Variants in HAL observed in about 807,000 individuals in gnomAD.
HAL encodes histidine ammonia-lyase.
In HAL, 85 loss-of-function variants were observed where a neutral mutation model predicts 81.1. That is an observed-to-expected ratio of 1.05 (90% CI 0.88 to 1.25). The LOEUF is 1.25. Ranked by LOEUF, HAL falls within the 50% of genes most tolerant of loss-of-function variation. HAL has a pLI of 0.00. For synonymous variants in HAL, 301 were observed against 309.2 expected (o/e 0.97, Z 0.28); for missense variants, 798 against 836.6 (o/e 0.95, Z 0.57).
intron 15 of HAL, among the ~76,000 whole-genome samples, chr12:95,983,272 C>T (rs2080814910): frequency 6.6e-6 from 1 of 152,096 alleles, no homozygotes; most frequent in African/African-American, 2.4e-5. Context: ...CCTGTAATTC[C>T]AGCTACTCAG....
rs78019803 is a variant in HAL at position 95,986,964 on chromosome 12, C to A, written c.1051+103G>T. 369 of 998,494 alleles carry A rather than the reference C, an allele frequency of 3.7e-4. 2 individuals carry two copies. The highest frequency in any genetic ancestry group is 2.6e-3 in the African/African-American group (168 of 63,622). 61.9% of individuals were successfully genotyped at this position (998,494 alleles called of 1,614,324 possible). ...CACAGGCACTTGGGTTTTCTCCTTC[C>A]CTACTACCTGCCCCCACCACTTCTG... On this transcript the variant is annotated intron_variant, in intron 12 of 20. Coordinates refer to ENST00000261208, the MANE Select transcript of HAL (RefSeq NM_002108.4).
intron 7 of HAL, 78 bp downstream of exon 7, chr12:95,993,694 T>C (rs1460748975): frequency 1.1e-6 from 1 of 939,702 alleles, no homozygotes; most frequent in East Asian, 2.4e-5. Flanking sequence ...GGGGCAAATG[T>C]GAATTATTTC....
chr12:95,993,456 G>C lies in HAL; in HGVS notation c.584C>G (p.Ser195Cys). ...CACCCAACGTTTTGACTTACCTGAA[G>C]AATGTGAGCGTACTAAGTTGACCTG... ...ELQVNLVRSHSSGVGKPLSPE... is the reference protein window; with the variant it reads ...ELQVNLVRSHCSGVGKPLSPE... Residue 195 changes from serine to cysteine, a missense_variant, in exon 8 of 21, where the codon TCT (serine) becomes TGT (cysteine). Ser to Cys is a moderately radical substitution (Grantham distance 112). Coordinates refer to ENST00000261208, the MANE Select transcript of HAL (RefSeq NM_002108.4). 8.7e-6 allele frequency: 14 copies of C among 1,601,524 alleles called. No homozygotes were observed. Among genetic ancestry groups the C allele is most frequent in the Non-Finnish European group, 1.2e-5 (14 of 1,168,450 alleles).
intron 10 of HAL, among the ~76,000 whole-genome samples, chr12:95,988,637 C>T (rs1949927392): frequency 6.6e-6 from 1 of 152,144 alleles, no homozygotes; most frequent in African/African-American, 2.4e-5. Context: ...GTTCACGCTC[C>T]CTTGCCTCCA....
At chr12:95,990,583 TC>T in intron 9 of HAL, 51 bp from the exon 10 acceptor site, 1 of 1,542,396 alleles carries the variant, frequency 6.5e-7, no homozygotes, top group Non-Finnish European at 9.0e-7. Flanking sequence ...ATTCTGACTC[TC>T]CTTGCTTTGC....
At chr12:95,989,033 G>T (rs1949934068) in intron 10 of HAL, among the ~76,000 whole-genome samples, 1 of 152,196 alleles carries the variant, frequency 6.6e-6, no homozygotes, top group African/African-American at 2.4e-5. Flanking sequence ...GGCAATCTGA[G>T]TAATAGTACA....
Position 95,977,989 on chromosome 12 carries a change from A to G in HAL, c.1609T>C (p.Trp537Arg), listed in dbSNP as rs150591434. The change falls in exon 18 of 21, where the codon TGG becomes CGG. Residue 537 changes from tryptophan (W) to arginine (R), a missense_variant. Transcript: ENST00000261208. ...ATEDHVSMGG[W>R]AARKALRVIE... is the part of the protein sequence containing the mutation. Reference sequence around the variant, plus strand: ...ACCCTGAGGGCTTTCCTTGCTGCCCATCCTCCCATGGAGACGTGGTCCTCC... The same window carrying G: ...ACCCTGAGGGCTTTCCTTGCTGCCCGTCCTCCCATGGAGACGTGGTCCTCC... 1,390 of 1,614,156 alleles carry G rather than the reference A, an allele frequency of 8.6e-4. 2 individuals carry two copies. The highest frequency in any genetic ancestry group is 1.1e-3 in the Non-Finnish European group (1,278 of 1,179,994).
At chr12:95,984,493 A>G (rs1010855201) in intron 14 of HAL, among the ~76,000 whole-genome samples, 2 of 152,256 alleles carry the variant, frequency 1.3e-5, no homozygotes, top group Admixed American at 6.5e-5. Context: ...AAGGCATCAC[A>G]TTAGAAGATG....
intron 11 of HAL, 103 bp downstream of exon 11, chr12:95,988,090 G>C: frequency 1.3e-6 from 1 of 754,866 alleles, no homozygotes; most frequent in Non-Finnish European, 2.4e-6. Context: ...AAGCAAACAT[G>C]CAAGTTGCAT....
At chr12:95,996,048 C>G in intron 1 of HAL, 30 bp downstream of exon 1, 1 of 841,616 alleles carries the variant, frequency 1.2e-6, no homozygotes, top group East Asian at 2.7e-5. Context: ...TTTACTCATT[C>G]ATGCATTGGA....
chr12:95,994,684 C>G (rs1950011044), intron 4 of HAL, 114 bp downstream of exon 4: 1 of 1,081,344 alleles, frequency 9.2e-7, no homozygotes. Flanking sequence ...GTCACTGCTC[C>G]CGGCCAGCCC....
intron 20 of HAL, 87 bp from the exon 21 acceptor site, chr12:95,974,459 C>CTTCGG (rs2080691797): frequency 3.0e-5 from 35 of 1,184,578 alleles, no homozygotes; most frequent in Non-Finnish European, 4.2e-5. Context: ...GAAGTCAAAA[C>CTTCGG]ATACTCTATA....
intron 12 of HAL, among the ~76,000 whole-genome samples, chr12:95,986,852 T>G (rs1949895429): frequency 6.6e-6 from 1 of 151,968 alleles, no homozygotes; most frequent in Non-Finnish European, 1.5e-5. Flanking sequence ...TCACTCAACT[T>G]CCGGGCTGTG....
intron 14 of HAL, among the ~76,000 whole-genome samples, chr12:95,985,076 T>G (rs141966551): frequency 1.3e-5 from 2 of 152,290 alleles, no homozygotes; most frequent in African/African-American, 4.8e-5. Context: ...AAGTTAAGCA[T>G]CACAAATTCA....
chr12:95,994,956 T>C lies in HAL; in HGVS notation c.285A>G (p.Pro95=), dbSNP rs771203285. The C allele has an allele frequency of 1.2e-6, 2 of 1,612,766 alleles. No individual in the cohort carries two copies. The highest frequency in any genetic ancestry group is 1.7e-6 in the Non-Finnish European group (2 of 1,178,842). ...EGDAMSPDFI[P]SQPEGVYLYS... is the part of the protein sequence containing the mutation. ...ACAGATAAACTCCTTCTGGTTGAGATGGAATGAAGTCAGGAGACATGGCAT... is the reference window on the plus strand; with the variant it reads ...ACAGATAAACTCCTTCTGGTTGAGACGGAATGAAGTCAGGAGACATGGCAT... Residue 95 remains proline, a synonymous_variant, in exon 3 of 21, where the codon CCA becomes CCG. Transcript: ENST00000261208.
rs2080684029 is a variant in HAL at position 95,973,864 on chromosome 12, G to GA, written c.*367dup. On this transcript the variant is annotated 3_prime_UTR_variant, in exon 21 of 21. Coordinates refer to ENST00000261208, the MANE Select transcript of HAL (RefSeq NM_002108.4). ...GGTTAACAAAAGTCTAATGTTTTTA[G>GA]AAAAAATTGCTATCAATCTGTTTCC... 2 of 176,506 alleles carry GA rather than the reference G, an allele frequency of 1.1e-5. No homozygotes were observed. Among genetic ancestry groups the GA allele is most frequent in the Non-Finnish European group, 2.4e-5 (2 of 84,184 alleles). The allele number at this position is 176,506 out of a possible 1,614,324, so 10.9% of individuals were successfully genotyped here. A position where few individuals can be genotyped will look rare whatever the true frequency, so the allele number is the denominator to read the frequency against.
intron 11 of HAL, among the ~76,000 whole-genome samples, chr12:95,987,797 C>A (rs1000891160): frequency 6.6e-5 from 10 of 151,922 alleles, no homozygotes; most frequent in African/African-American, 2.4e-4. Context: ...CAGCCTTGAC[C>A]TCCAGGGCTC....
chr12:95,989,812 CTT>C (rs1949946320), intron 10 of HAL: 1 of 164,350 alleles, frequency 6.1e-6, no homozygotes, highest in Non-Finnish European at 1.3e-5. Flanking sequence ...GCTGTTTCCT[CTT>C]CTGGGGCCCT....
chr12:95,990,431 T>C lies in HAL; in HGVS notation c.817A>G (p.Met273Val). 1.9e-6 allele frequency: 3 copies of C among 1,613,136 alleles called. No homozygotes were observed. Among genetic ancestry groups the C allele is most frequent in the Non-Finnish European group, 2.5e-6 (3 of 1,179,092 alleles). ...LALGLVGEGK[M>V]WSPKSGWADA... ...GCCCAGCCACTCTTCGGAGACCACATCTTCCCTTCTCCAACTAGCCCAAGA... is the reference window on the plus strand; with the variant it reads ...GCCCAGCCACTCTTCGGAGACCACACCTTCCCTTCTCCAACTAGCCCAAGA... The change falls in exon 10 of 21, where the codon ATG (methionine) becomes GTG (valine). Residue 273 changes from methionine to valine, a missense_variant. Coordinates refer to ENST00000261208, the MANE Select transcript of HAL (RefSeq NM_002108.4).
Sources: allele counts gnomAD v4.1 joint callset (sites outside exome capture counted in the v4.1 genomes callset), GRCh38; gene constraint gnomAD v4.1.1; transcripts MANE v1.5; gene names NCBI Gene and HGNC (gene_info 2026-07-23, HGNC 2026-07-21).